SLC12A5: variants seen among roughly 807,000 people sequenced by gnomAD.
SLC12A5 encodes solute carrier family 12 member 5.
Under a neutral mutation model 124.0 loss-of-function variants are expected in SLC12A5, and 18 were observed. The observed-to-expected ratio is 0.15, with a 90% CI of 0.10 to 0.22. SLC12A5 has a LOEUF of 0.22. SLC12A5 is among the 10% of genes least tolerant of loss of function. The pLI is 1.00. For missense variants in SLC12A5, 867 were observed against 1,478.7 expected (o/e 0.59, Z 6.78); for synonymous variants, 589 against 568.0 (o/e 1.04, Z -0.53).
rs762852631 is a variant in SLC12A5 at position 46,057,511 on chromosome 20, C to A, written c.3260-3C>A. 6.7e-5 allele frequency: 108 copies of A among 1,613,956 alleles called. No homozygotes were observed. In the Admixed American group the frequency reaches 8.2e-4, roughly 12 times the overall value. ...CGGGTCTTTCTCCTTGACCGGCTCTCAGACATGGAGTTTCTCGAGGTCCTC... is the reference window on the plus strand; with the variant it reads ...CGGGTCTTTCTCCTTGACCGGCTCTAAGACATGGAGTTTCTCGAGGTCCTC... On this transcript the variant is annotated splice_region_variant and splice_polypyrimidine_tract_variant and intron_variant, in intron 25 of 25. Coordinates refer to ENST00000243964, the MANE Select transcript of SLC12A5 (RefSeq NM_020708.5). The surrounding 1 kb of genome is among the most constrained non-coding windows in gnomAD (Gnocchi z 7.1).
chr20:46,031,695 C>G (rs1469208016), intron 1 of SLC12A5, among the ~76,000 whole-genome samples: 1 of 152,202 alleles, frequency 6.6e-6, no homozygotes. Flanking sequence ...GGGGAGGCTT[C>G]TTAGCCTGCG....
At chr20:46,023,112 A>G (rs2084370166) in intron 2 of SLC12A5, 2 of 399,096 alleles carry the variant, frequency 5.0e-6, no homozygotes, top group South Asian at 2.6e-4. Context: ...CGAAACCCCT[A>G]GAGTAACCCT....
chr20:46,022,344 G>T (rs2084362882), intron 1 of SLC12A5, among the ~76,000 whole-genome samples: 1 of 150,600 alleles, frequency 6.6e-6, no homozygotes, highest in Non-Finnish European at 1.5e-5. Flanking sequence ...GGACTAGGTT[G>T]GTTTGGGGTC....
At chr20:46,039,222 C>T (rs1293979554) in intron 6 of SLC12A5, among the ~76,000 whole-genome samples, 2 of 151,930 alleles carry the variant, frequency 1.3e-5, no homozygotes, top group Non-Finnish European at 1.5e-5. Context: ...AGAATGTAAA[C>T]GTTAATATTT....
Position 46,056,230 on chromosome 20 carries a change from A to G in SLC12A5, c.2868A>G (p.Pro956=), listed in dbSNP as rs769970722. ...PANTRLRLNV[P]EETAGDSEEK... Reference sequence around the variant, plus strand: ...ACACGCGGCTCCGCCTGAACGTCCCAGAAGAGACGGCTGGTGACAGTGAAG... The same window carrying G: ...ACACGCGGCTCCGCCTGAACGTCCCGGAAGAGACGGCTGGTGACAGTGAAG... Residue 956 remains proline, a synonymous_variant, in exon 22 of 26, where the codon CCA becomes CCG. Coordinates refer to ENST00000243964, the MANE Select transcript of SLC12A5 (RefSeq NM_020708.5). This position sits in a 1 kb window ranked among gnomAD's most constrained non-coding sequence, Gnocchi z 4.3. 5.6e-6 allele frequency: 9 copies of G among 1,614,086 alleles called. No homozygotes were observed. The highest frequency in any genetic ancestry group is 1.1e-5 in the South Asian group (1 of 91,092).
chr20:46,030,079 C>T (rs1012212416), intron 1 of SLC12A5, among the ~76,000 whole-genome samples: 3 of 152,076 alleles, frequency 2.0e-5, no homozygotes, highest in Non-Finnish European at 2.9e-5. Flanking sequence ...AAGCGTACTT[C>T]CTCCATAGAT....
intron 6 of SLC12A5, 103 bp from the exon 7 acceptor site, chr20:46,040,270 C>A (rs2084533613): frequency 1.3e-6 from 2 of 1,515,160 alleles, no homozygotes; most frequent in South Asian, 1.2e-5. Flanking sequence ...AGTCTGGTAC[C>A]ACTGTGACTG....
intron 2 of SLC12A5, 101 bp from the exon 3 acceptor site, chr20:46,035,303 A>G: frequency 7.0e-7 from 1 of 1,426,292 alleles, no homozygotes; most frequent in Non-Finnish European, 9.6e-7. Flanking sequence ...CAACCTGAAT[A>G]GTTTCGTGCT....
In SLC12A5 at chr20:46,056,157, G is replaced by A; in HGVS notation, c.2795G>A (p.Ser932Asn). 6.2e-7 allele frequency: 1 copy of A among 1,614,150 alleles called. No individual in the cohort carries two copies. Among genetic ancestry groups the A allele is most frequent in the African/African-American group, 1.3e-5 (1 of 75,064 alleles). The change falls in exon 22 of 26, where the codon AGT (serine) becomes AAT (asparagine). Residue 932 changes from serine (S) to asparagine (N), a missense_variant. Physicochemically the swap from Ser to Asn is conservative, Grantham distance 46 (BLOSUM62 1). Around this residue, in one of 9 missense-constraint regions of SLC12A5, gnomAD observed 70 missense variants for 157.2 expected, o/e 0.45. Coordinates refer to ENST00000243964, the MANE Select transcript of SLC12A5 (RefSeq NM_020708.5). This position sits in a 1 kb window ranked among gnomAD's most constrained non-coding sequence, Gnocchi z 4.3. ...ACCTATGTCACTCCCTAGATCCAGA[G>A]TATCACAGATGAGTCACGAGGCTCA... ...TKNEREREIQ[S>N]ITDESRGSIR...
chr20:46,031,553 G>A (rs188689128), intron 1 of SLC12A5, among the ~76,000 whole-genome samples: 79 of 152,338 alleles, frequency 5.2e-4, no homozygotes, highest in African/African-American at 1.3e-3. Context: ...GGGATGACCC[G>A]AGCAAGAGGG....
chr20:46,043,407 G>C (rs2145491687), intron 9 of SLC12A5, 84 bp downstream of exon 9: 9 of 1,513,946 alleles, frequency 5.9e-6, no homozygotes, highest in Non-Finnish European at 8.1e-6. Flanking sequence ...GAATTTCTTA[G>C]TCCAAAAACC....
At chr20:46,044,777 T>A in intron 11 of SLC12A5, 189 bp from the exon 12 acceptor site, 1 of 658,124 alleles carries the variant, frequency 1.5e-6, no homozygotes, top group Non-Finnish European at 2.6e-6. Context: ...GTTTTCAGTA[T>A]CAGGAAATTA....
Position 46,053,411 on chromosome 20 carries a change from C to T in SLC12A5, c.2548-167C>T, listed in dbSNP as rs1265099881. Among the ~76,000 whole-genome samples, 1 of 152,182 alleles carries T rather than the reference C, an allele frequency of 6.6e-6. No homozygotes were observed. The highest frequency in any genetic ancestry group is 2.4e-5 in the African/African-American group (1 of 41,438). The stretch of plus-strand genomic sequence containing the variant: ...TTAATGGGGGACCCTCAGACCTAAG[C>T]AGGGAAGGTTTTGTAGAGAGTGGCC... On this transcript the variant is annotated intron_variant, in intron 19 of 25. Coordinates refer to ENST00000243964, the MANE Select transcript of SLC12A5 (RefSeq NM_020708.5). This position sits in a 1 kb window ranked among gnomAD's most constrained non-coding sequence, Gnocchi z 4.7.
At chr20:46,047,758 G>A (rs1272506226) in intron 15 of SLC12A5, among the ~76,000 whole-genome samples, 185 bp downstream of exon 15, 2 of 152,138 alleles carry the variant, frequency 1.3e-5, no homozygotes, top group African/African-American at 4.8e-5. Flanking sequence ...GGTGGGAGCA[G>A]AGGCTTTGAG....
In SLC12A5 at chr20:46,043,270, A is replaced by C. The variant is rs1187692079; in HGVS notation, c.1184A>C (p.Asp395Ala). ...IDMDHPYVFS[D>A]MTSYFTLLVG... ...ATGGACCACCCTTATGTCTTCAGTG[A>C]TATGACCTCCTACTTCACCCTGCTG... is the stretch of plus-strand genomic sequence containing the variant. The change falls in exon 9 of 26, where the codon GAT (aspartate) becomes GCT (alanine). Residue 395 changes from aspartate to alanine, a missense_variant. Physicochemically the swap from Asp to Ala is moderately radical, Grantham distance 126. Coordinates refer to ENST00000243964, the MANE Select transcript of SLC12A5 (RefSeq NM_020708.5). 1 of 1,614,014 alleles carries C rather than the reference A, an allele frequency of 6.2e-7. No individual in the cohort carries two copies. The highest frequency in any genetic ancestry group is 8.5e-7 in the Non-Finnish European group (1 of 1,179,994).
chr20:46,055,616 A>G (rs1405829850), intron 21 of SLC12A5, among the ~76,000 whole-genome samples: 1 of 152,026 alleles, frequency 6.6e-6, no homozygotes, highest in Non-Finnish European at 1.5e-5. Context: ...CCAGCTGGGG[A>G]CAGAAGGGCT....
At chr20:46,029,858 CTGTG>C (rs3080279) in intron 1 of SLC12A5, among the ~76,000 whole-genome samples, 136 of 133,086 alleles carry the variant, frequency 1.0e-3, no homozygotes, top group South Asian at 2.2e-3. Flanking sequence ...GAAGAGGTGG[CTGTG>C]TGTGTGTGTG....
At chr20:46,037,152 G>T (rs2084505743) in intron 5 of SLC12A5, 103 bp from the exon 6 acceptor site, 1 of 1,473,652 alleles carries the variant, frequency 6.8e-7, no homozygotes, top group Admixed American at 2.3e-5. Flanking sequence ...AAGCCTGTGA[G>T]GCCTGGAGCA....
chr20:46,025,979 G>A (rs994446278), upstream of SLC12A5, among the ~76,000 whole-genome samples: 1 of 152,150 alleles, frequency 6.6e-6, no homozygotes, highest in Admixed American at 6.5e-5. Context: ...GACCCAGTCC[G>A]GTGGCTCTAG....
Sources: gnomAD v4.1 joint callset for allele counts (sites outside exome capture counted in the v4.1 genomes callset) on GRCh38, gnomAD v4.1.1 for gene constraint, gnomAD v4.1.1 regional missense constraint, Gnocchi (gnomAD v3.1) non-coding constraint, MANE v1.5 for transcripts, NCBI Gene and HGNC (gene_info 2026-07-23, HGNC 2026-07-21) for gene names.